The following AATF variants were observed in gnomAD, a reference collection of about 807,000 sequenced individuals.
The protein encoded by AATF is protein AATF.
A neutral mutation model predicts 63.7 loss-of-function variants in AATF; 48 were observed. The observed-to-expected ratio is 0.75, with a 90% CI of 0.60 to 0.96. The LOEUF (loss-of-function observed/expected upper bound fraction) is 0.96. AATF is among the 40% of genes least tolerant of loss of function. AATF has a pLI of 0.00. For synonymous variants in AATF, 258 were observed against 247.7 expected, an observed-to-expected ratio of 1.04 and a Z score of -0.39; for missense variants, 639 against 685.7, an observed-to-expected ratio of 0.93 and a Z score of 0.76.
intron 7 of AATF, 112 bp from the exon 8 acceptor site, chr17:36,990,662 T>C: frequency 1.4e-6 from 1 of 711,098 alleles, no homozygotes. Context: ...TAAGAACTTT[T>C]TATATCTTAA....
intron 11 of AATF, among the ~76,000 whole-genome samples, chr17:37,050,215 A>G (rs1435784578): frequency 6.6e-6 from 1 of 152,232 alleles, no homozygotes; most frequent in Non-Finnish European, 1.5e-5. Context: ...TGGGTTCAGC[A>G]GGAGGAAGAA....
chr17:36,961,502 A>G (rs2070946788), intron 4 of AATF, among the ~76,000 whole-genome samples: 1 of 152,150 alleles, frequency 6.6e-6, no homozygotes, highest in Non-Finnish European at 1.5e-5. Context: ...TCCTTTTTTC[A>G]TGTTAAGTCT....
chr17:37,012,107 C>T (rs1041533244), intron 8 of AATF, among the ~76,000 whole-genome samples: 3 of 151,160 alleles, frequency 2.0e-5, no homozygotes, highest in African/African-American at 7.3e-5. Context: ...GGCTGGAGTG[C>T]AATGGCGCAA....
intron 8 of AATF, among the ~76,000 whole-genome samples, chr17:37,000,546 C>G (rs2071286418): frequency 6.6e-6 from 1 of 152,116 alleles, no homozygotes; most frequent in Admixed American, 6.5e-5. Flanking sequence ...CTGCCACATT[C>G]ATGTGGAGTT....
intron 8 of AATF, among the ~76,000 whole-genome samples, chr17:37,006,329 C>T (rs764944897): frequency 4.6e-5 from 7 of 151,846 alleles, no homozygotes; most frequent in Non-Finnish European, 1.0e-4. Context: ...ATTAACTGGG[C>T]TTGGTGGTGC....
Position 37,056,679 on chromosome 17 carries a change from G to A in AATF, c.*15G>A, listed in dbSNP as rs763587082. 50 of 1,613,844 alleles carry A rather than the reference G, an allele frequency of 3.1e-5. No homozygotes were observed. Among genetic ancestry groups the A allele is most frequent in the Admixed American group, 5.0e-5 (3 of 60,002 alleles). On this transcript the variant is annotated 3_prime_UTR_variant, in exon 12 of 12. Coordinates refer to ENST00000619387, the MANE Select transcript of AATF (RefSeq NM_012138.4). Reference sequence around the variant, plus strand: ...ACGGGGATTGACATCGCCCACCTCCGACACCCAGTGGGCGCCTTGGCTGGT... The same window carrying A: ...ACGGGGATTGACATCGCCCACCTCCAACACCCAGTGGGCGCCTTGGCTGGT...
chr17:36,949,280 CGGCGTGGGAGG>C, intron 1 of AATF, 64 bp downstream of exon 1: 1 of 1,470,216 alleles, frequency 6.8e-7, no homozygotes, highest in Non-Finnish European at 9.1e-7. Context: ...GGCAAGGGGG[CGGCGTGGGAGG>C]GGCGTGCGCG....
intron 11 of AATF, among the ~76,000 whole-genome samples, chr17:37,049,960 G>A (rs1243311969): frequency 6.6e-6 from 1 of 152,136 alleles, no homozygotes; most frequent in Non-Finnish European, 1.5e-5. Context: ...TGCGGGTTCT[G>A]GAGACCTTGC....
chr17:37,014,425 A>G (rs956670038), intron 8 of AATF, among the ~76,000 whole-genome samples: 1 of 152,108 alleles, frequency 6.6e-6, no homozygotes, highest in Non-Finnish European at 1.5e-5. Context: ...TCCATTCTTT[A>G]ATATGTAGGG....
intron 11 of AATF, among the ~76,000 whole-genome samples, chr17:37,049,662 G>A (rs982241745): frequency 2.0e-5 from 3 of 152,076 alleles, no homozygotes; most frequent in Admixed American, 2.0e-4. Flanking sequence ...ATTTTTAAGA[G>A]GAAAATGGAG....
At chr17:37,014,610 C>T (rs1239904115) in intron 8 of AATF, among the ~76,000 whole-genome samples, 5 of 152,244 alleles carry the variant, frequency 3.3e-5, no homozygotes, top group African/African-American at 1.2e-4. Context: ...CTCTGGTGTT[C>T]TACATTTCAT....
chr17:36,950,342 A>C lies in AATF; in HGVS notation c.220A>C (p.Lys74Gln), dbSNP rs1015516865. 2.5e-6 allele frequency: 4 copies of C among 1,614,230 alleles called. No homozygotes were observed. The highest frequency in any genetic ancestry group is 2.5e-6 in the Non-Finnish European group (3 of 1,180,044). Residue 74 changes from lysine to glutamine, a missense_variant, in exon 2 of 12, where the codon AAA becomes CAA. Physicochemically the swap from Lys to Gln is moderately conservative, Grantham distance 53. Coordinates refer to ENST00000619387, the MANE Select transcript of AATF (RefSeq NM_012138.4). ...LLDTDKRYCG[K>Q]TTSRKAWNED... ...GGACACGGACAAAAGGTATTGCGGC[A>C]AAACCACCTCTAGAAAAGCATGGAA...
At chr17:37,019,957 G>A (rs970193351) in intron 9 of AATF, among the ~76,000 whole-genome samples, 4 of 151,936 alleles carry the variant, frequency 2.6e-5, no homozygotes, top group Admixed American at 2.6e-4. Context: ...ATAGATTATG[G>A]TAATTAAGAT....
At chr17:36,957,016 A>G (rs1429402845) in intron 4 of AATF, among the ~76,000 whole-genome samples, 1 of 152,132 alleles carries the variant, frequency 6.6e-6, no homozygotes, top group Non-Finnish European at 1.5e-5. Flanking sequence ...ATTCTTGAGC[A>G]CATTACTCTG....
chr17:37,016,475 C>T (rs1400724684), intron 8 of AATF, among the ~76,000 whole-genome samples: 1 of 152,116 alleles, frequency 6.6e-6, no homozygotes, highest in African/African-American at 2.4e-5. Context: ...CAAGCCTTTC[C>T]GAATTGATTA....
Position 36,948,964 on chromosome 17 carries a change from G to A in AATF, c.-162G>A. 1.7e-6 allele frequency: 1 copy of A among 602,866 alleles called. No homozygotes were observed. The highest frequency in any genetic ancestry group is 2.8e-6 in the Non-Finnish European group (1 of 357,468). 37.3% of individuals were successfully genotyped at this position (602,866 alleles called of 1,614,324 possible). ...CCCGCCCCCTCCCGCGCGCCTCCCG[G>A]AAGTGGCCGGTCCAGAGCTGTGGGG... On this transcript the variant is annotated 5_prime_UTR_variant, in exon 1 of 12. Coordinates refer to ENST00000619387, the MANE Select transcript of AATF (RefSeq NM_012138.4).
chr17:36,992,874 G>A (rs1202258003), intron 8 of AATF, among the ~76,000 whole-genome samples: 3 of 152,114 alleles, frequency 2.0e-5, no homozygotes, highest in Admixed American at 2.0e-4. Flanking sequence ...ACTTTATCTT[G>A]GCTGTTTCCC....
intron 11 of AATF, 75 bp downstream of exon 11, chr17:37,031,760 C>A: frequency 2.6e-6 from 3 of 1,173,346 alleles, no homozygotes; most frequent in Non-Finnish European, 3.8e-6. Context: ...CAGCCTTCGC[C>A]CTCTCCATTT....
intron 8 of AATF, among the ~76,000 whole-genome samples, chr17:37,014,292 T>TAATAATAATAATAATAATAATAATAA (rs547730359): frequency 8.6e-5 from 13 of 150,512 alleles, no homozygotes; most frequent in African/African-American, 3.2e-4. Context: ...ATAATAATAA[T>TAATAATAATAATAATAATAATAATAA]AATAATAATA....
Sources: allele counts gnomAD v4.1 joint callset (sites outside exome capture counted in the v4.1 genomes callset), GRCh38; gene constraint gnomAD v4.1.1; transcripts MANE v1.5; gene names NCBI Gene and HGNC (gene_info 2026-07-23, HGNC 2026-07-21).